Variants in CFAP69 observed in about 807,000 individuals in gnomAD.
The protein encoded by CFAP69 is cilia and flagella associated protein 69.
CFAP69 carries 92 observed loss-of-function variants against 123.0 expected under a neutral mutation model. The ratio of observed to expected loss-of-function variants is 0.75; its 90% confidence interval spans 0.63 to 0.89. The LOEUF is 0.89. Among genes scored for constraint, CFAP69 ranks in the 40% least tolerant of loss-of-function variants. The pLI is 0.00. For synonymous variants in CFAP69, 380 were observed against 364.3 expected, an observed-to-expected ratio of 1.04 and a Z score of -0.49; for missense variants, 1,067 against 1,096.9, an observed-to-expected ratio of 0.97 and a Z score of 0.39.
chr7:90,288,207 A>T (rs1174227605), intron 14 of CFAP69, 27 bp from the exon 15 acceptor site: 1 of 1,550,934 alleles, frequency 6.4e-7, no homozygotes, highest in Admixed American at 1.7e-5. Flanking sequence ...ATTTCAAGAA[A>T]TAATTTAAAA....
intron 6 of CFAP69, among the ~76,000 whole-genome samples, chr7:90,269,716 G>C (rs974080383): frequency 2.6e-5 from 4 of 152,126 alleles, no homozygotes; most frequent in Non-Finnish European, 4.4e-5. Flanking sequence ...TGAGAGAGTA[G>C]TGGCAGTTCA....
chr7:90,316,687 C>T, the CFAP69 span: 1 of 152,186 alleles, frequency 6.6e-6, no homozygotes, highest in Admixed American at 6.5e-5. Context: ...GGTATGTAAT[C>T]ATCATCAAAA....
chr7:90,312,680 C>G (rs1467552804), downstream of CFAP69: 1 of 152,166 alleles, frequency 6.6e-6, no homozygotes, highest in Non-Finnish European at 1.5e-5. Flanking sequence ...ATCACTAACT[C>G]TAAGTCTCTG....
chr7:90,256,530 A>C (rs920449618), intron 2 of CFAP69, among the ~76,000 whole-genome samples: 1 of 152,168 alleles, frequency 6.6e-6, no homozygotes, highest in African/African-American at 2.4e-5. Context: ...GTATAAAAAA[A>C]AAAAAAAAAT....
chr7:90,250,837 C>G (rs557010431), intron 1 of CFAP69, among the ~76,000 whole-genome samples: 1 of 152,162 alleles, frequency 6.6e-6, no homozygotes, highest in African/African-American at 2.4e-5. Context: ...TCCAGCATTC[C>G]CTGTCTCAGG....
the CFAP69 span, among the ~76,000 whole-genome samples, chr7:90,322,795 A>C: frequency 6.6e-6 from 1 of 152,350 alleles, no homozygotes; most frequent in African/African-American, 2.4e-5. Context: ...ATAGGAGTAC[A>C]TATTTGGGTA....
chr7:90,320,446 A>G, the CFAP69 span: 2 of 152,246 alleles, frequency 1.3e-5, no homozygotes, highest in Non-Finnish European at 2.9e-5. Context: ...TGCAGGGCCC[A>G]TTACATTCAG....
intron 11 of CFAP69, among the ~76,000 whole-genome samples, chr7:90,278,638 A>G (rs1788963430): frequency 6.6e-6 from 1 of 152,142 alleles, no homozygotes; most frequent in South Asian, 2.1e-4. Context: ...TAGGCAACAG[A>G]GCCAAGTAGC....
In CFAP69 at chr7:90,253,885, A is replaced by G. The variant is rs1779015584; in HGVS notation, c.121-1538A>G. 2.0e-5 allele frequency among the ~76,000 whole-genome samples: 3 copies of G among 152,194 alleles called. No individual in the cohort carries two copies. The South Asian group carries it at 6.2e-4, about 32-fold the overall frequency. On this transcript the variant is annotated intron_variant, in intron 1 of 22. Transcript: ENST00000389297. ...TTTGCTTTTGTGGCCTGCACTTTTGAGGTCCTACCCAAAAAAACCTGTGCC... is the reference window on the plus strand; with the variant it reads ...TTTGCTTTTGTGGCCTGCACTTTTGGGGTCCTACCCAAAAAAACCTGTGCC...
chr7:90,314,354 T>C (rs1193262500), downstream of CFAP69, among the ~76,000 whole-genome samples: 1 of 152,198 alleles, frequency 6.6e-6, no homozygotes, highest in Non-Finnish European at 1.5e-5. Flanking sequence ...CCAGGCACAG[T>C]GGTTCAGGCC....
chr7:90,318,933 G>T, the CFAP69 span: 2 of 153,214 alleles, frequency 1.3e-5, no homozygotes, highest in Non-Finnish European at 1.5e-5. Flanking sequence ...AGAAGAAATT[G>T]TTAATATTCA....
In CFAP69 at chr7:90,292,247, T is replaced by C. The variant is rs369976694; in HGVS notation, c.1775+3895T>C. 4.6e-5 allele frequency among the ~76,000 whole-genome samples: 7 copies of C among 152,310 alleles called. No homozygotes were observed. In the South Asian group the frequency reaches 6.2e-4, roughly 14 times the overall value. ...AAAGCCAAGCCCAGCCATGGGTTTGTACCCTCACATACCTAAGAGTTTGGT... is the reference window on the plus strand; with the variant it reads ...AAAGCCAAGCCCAGCCATGGGTTTGCACCCTCACATACCTAAGAGTTTGGT... On this transcript the variant is annotated intron_variant, in intron 15 of 22. Transcript: ENST00000389297.
chr7:90,310,288 G>T lies in CFAP69; in HGVS notation c.*50G>T. The T allele has an allele frequency of 7.3e-7, 1 of 1,364,302 alleles. No homozygotes were observed. The highest frequency in any genetic ancestry group is 1.6e-5 in the South Asian group (1 of 63,690). 84.5% of individuals were successfully genotyped at this position (1,364,302 alleles called of 1,614,324 possible). A position where few individuals can be genotyped will look rare whatever the true frequency, so the allele number is the denominator to read the frequency against. On this transcript the variant is annotated 3_prime_UTR_variant, in exon 23 of 23. Coordinates refer to ENST00000389297, the MANE Select transcript of CFAP69 (RefSeq NM_001039706.3). The stretch of plus-strand genomic sequence containing the variant: ...AAAGTCAGCTTATAATTTTTTAGCT[G>T]AATATATCTTTATACATATGTAAAG...
rs917704103 is a variant in CFAP69, at chr7:90,265,394, T to G, written c.433+17T>G. ...CACTTCTGGGTAAGTTAAGATTTCC[T>G]TAAGGTATAGGGATGTAACATACGA... is the stretch of plus-strand genomic sequence containing the variant. On this transcript the variant is annotated intron_variant, in intron 5 of 22. Coordinates refer to ENST00000389297, the MANE Select transcript of CFAP69 (RefSeq NM_001039706.3). 5 of 1,563,528 alleles carry G rather than the reference T, an allele frequency of 3.2e-6. No individual in the cohort carries two copies. The African/African-American group carries it at 6.8e-5, about 21-fold the overall frequency.
rs200307653 is a variant in CFAP69, at chr7:90,256,539, A to AT, written c.180+1062dup. 2.6e-5 allele frequency among the ~76,000 whole-genome samples: 4 copies of AT among 151,330 alleles called. 1 individual carries two copies. The highest frequency in any genetic ancestry group is 4.2e-4 in the South Asian group (2 of 4,796). On this transcript the variant is annotated intron_variant, in intron 2 of 22. Transcript: ENST00000389297. ...CTTAAAGTATAAAAAAAAAAAAAAA[A>AT]TTTTTAAGTAAGTGGGTTGACCATA...
the CFAP69 span, chr7:90,318,195 C>G: frequency 9.8e-5 from 15 of 152,312 alleles, no homozygotes; most frequent in African/African-American, 3.6e-4. Context: ...CAATTTCCTC[C>G]ACTACTTCAT....
At chr7:90,277,960 C>G (rs1788853397) in intron 11 of CFAP69, among the ~76,000 whole-genome samples, 1 of 152,088 alleles carries the variant, frequency 6.6e-6, no homozygotes, top group African/African-American at 2.4e-5. Context: ...AATGCTTCAG[C>G]TCTGCTCACA....
intron 19 of CFAP69, among the ~76,000 whole-genome samples, chr7:90,305,550 G>A (rs909220657): frequency 2.7e-4 from 41 of 150,870 alleles, no homozygotes; most frequent in Non-Finnish European, 4.9e-4. Flanking sequence ...CCGCCACCAC[G>A]CCCAGCTAAT....
Position 90,277,283 on chromosome 7 carries a change from A to G in CFAP69, c.1104A>G (p.Lys368=). The part of the protein sequence containing the change: ...SNSYEDFELK[K]LLFNVIVILC... ...CCTATGAAGATTTTGAGTTGAAGAA[A>G]TTACTATTCAACGTAATTGTGATCT... The change falls in exon 11 of 23, where the codon AAA becomes AAG. Residue 368 remains lysine (K), a synonymous_variant. Transcript: ENST00000389297. The G allele has an allele frequency of 2.5e-6, 4 of 1,592,432 alleles. No homozygotes were observed. Among genetic ancestry groups the G allele is most frequent in the Non-Finnish European group, 3.4e-6 (4 of 1,169,342 alleles).
Sources: allele counts gnomAD v4.1 joint callset (sites outside exome capture counted in the v4.1 genomes callset), GRCh38; gene constraint gnomAD v4.1.1; transcripts MANE v1.5; gene names NCBI Gene and HGNC (gene_info 2026-07-23, HGNC 2026-07-21).